CELF2: variants seen among roughly 807,000 people sequenced by gnomAD.
CELF2 encodes the protein CUG triplet repeat RNA-binding protein 2.
CELF2 carries 8 observed loss-of-function variants against 62.6 expected under a neutral mutation model. The observed-to-expected ratio is 0.13, with a 90% confidence interval of 0.07 to 0.23. The LOEUF (loss-of-function observed/expected upper bound fraction) is 0.23, where lower values mean the gene tolerates loss of function less well. Among genes scored for constraint, CELF2 ranks in the 10% least tolerant of loss-of-function variants. The pLI is 1.00. For synonymous variants in CELF2, 258 were observed against 250.0 expected, an observed-to-expected ratio of 1.03 and a Z score of -0.30; for missense variants, 333 against 671.0, an observed-to-expected ratio of 0.50 and a Z score of 5.56.
At chr10:10,980,577 A>G (rs1018527535) in intron 2 of CELF2, among the ~76,000 whole-genome samples, 3 of 152,124 alleles carry the variant, frequency 2.0e-5, no homozygotes, top group Non-Finnish European at 4.4e-5. Flanking sequence ...ACCTTGCATC[A>G]ACCTAATGGA....
At chr10:10,663,217 G>A in the CELF2 span, among the ~76,000 whole-genome samples, 1 of 152,148 alleles carries the variant, frequency 6.6e-6, no homozygotes, top group African/African-American at 2.4e-5. Context: ...ACTTGCCCAA[G>A]AACAACCATG....
the CELF2 span, among the ~76,000 whole-genome samples, chr10:10,588,799 G>C: frequency 1.3e-5 from 2 of 152,224 alleles, no homozygotes; most frequent in Non-Finnish European, 2.9e-5. Context: ...CAGACTTGGA[G>C]CACTCCATTC....
At position 11,297,307 on chromosome 10, in the gene CELF2, C is replaced by A. The variant is rs1360180718; in HGVS notation, c.976+8755C>A. ...CCATCAGGCTGACCAGAGCCGGGAG[C>A]TGCAGAGTGGATTGAGACTGACCTG... On this transcript the variant is annotated intron_variant, in intron 9 of 12. Coordinates refer to ENST00000633077, the MANE Select transcript of CELF2 (RefSeq NM_001326342.2). The surrounding 1 kb of genome is among the most constrained non-coding windows in gnomAD (Gnocchi z 4.4). Among the ~76,000 whole-genome samples the A allele has an allele frequency of 6.6e-6, 1 of 152,184 alleles. No homozygotes were observed. The highest frequency in any genetic ancestry group is 1.5e-5 in the Non-Finnish European group (1 of 68,032).
intron 2 of CELF2, among the ~76,000 whole-genome samples, chr10:11,205,844 G>A (rs903777123): frequency 1.3e-5 from 2 of 152,128 alleles, no homozygotes; most frequent in Non-Finnish European, 2.9e-5. Flanking sequence ...AGTTATAACG[G>A]CCATAAATAT....
chr10:10,658,326 T>A, the CELF2 span, among the ~76,000 whole-genome samples: 1 of 152,198 alleles, frequency 6.6e-6, no homozygotes. Flanking sequence ...GTGCAATCAC[T>A]TCATCATTTC....
At chr10:10,848,203 T>C (rs1259352802) in intron 1 of CELF2, among the ~76,000 whole-genome samples, 3 of 152,232 alleles carry the variant, frequency 2.0e-5, no homozygotes, top group Non-Finnish European at 4.4e-5. Context: ...GCTTTTCTAG[T>C]TGATGTGTTC....
chr10:11,277,466 C>T (rs2086584988), intron 8 of CELF2, among the ~76,000 whole-genome samples: 1 of 152,216 alleles, frequency 6.6e-6, no homozygotes, highest in Non-Finnish European at 1.5e-5. Flanking sequence ...GATACTCTTC[C>T]GTGCTCCAGG....
intron 1 of CELF2, among the ~76,000 whole-genome samples, chr10:11,034,723 A>G (rs984213907): frequency 3.3e-5 from 5 of 152,166 alleles, no homozygotes; most frequent in African/African-American, 1.2e-4. Context: ...GTCAGGTTGA[A>G]TCTGGTATGA....
intron 1 of CELF2, among the ~76,000 whole-genome samples, chr10:11,082,072 G>A (rs1401320062): frequency 6.6e-6 from 1 of 152,170 alleles, no homozygotes; most frequent in Non-Finnish European, 1.5e-5. Context: ...GGCTGGGGCT[G>A]CATCCCTTGC....
At chr10:11,059,962 G>A (rs2066319523) in intron 1 of CELF2, among the ~76,000 whole-genome samples, 1 of 152,228 alleles carries the variant, frequency 6.6e-6, no homozygotes, top group Admixed American at 6.5e-5. Context: ...CGTTGAATTG[G>A]TCATAGTTCT....
intron 2 of CELF2, among the ~76,000 whole-genome samples, chr10:10,933,361 A>G (rs918905268): frequency 4.6e-5 from 7 of 152,222 alleles, no homozygotes; most frequent in African/African-American, 7.2e-5. Context: ...TGATATTTCT[A>G]TACCTGAATA....
chr10:11,095,981 G>T (rs866716834), intron 1 of CELF2, among the ~76,000 whole-genome samples: 2 of 152,234 alleles, frequency 1.3e-5, no homozygotes, highest in Non-Finnish European at 1.5e-5. Context: ...TATCATGAAA[G>T]TATGTCTGGA....
At chr10:10,839,352 T>G (rs1414445647) in intron 1 of CELF2, among the ~76,000 whole-genome samples, 1 of 152,198 alleles carries the variant, frequency 6.6e-6, no homozygotes, top group Non-Finnish European at 1.5e-5. Context: ...ACTGATGTCT[T>G]CAGCTCTATT....
chr10:11,153,227 G>C (rs566020195), intron 1 of CELF2, among the ~76,000 whole-genome samples: 2 of 152,076 alleles, frequency 1.3e-5, no homozygotes, highest in Non-Finnish European at 2.9e-5. Flanking sequence ...CTTAAATATA[G>C]ATAGATATTT....
the CELF2 span, among the ~76,000 whole-genome samples, chr10:10,696,671 A>AC: frequency 1.0e-4 from 15 of 150,564 alleles, no homozygotes; most frequent in South Asian, 3.0e-3. Flanking sequence ...TGGGTGTAGG[A>AC]CCCTCCGAGC....
chr10:10,565,993 C>T, the CELF2 span, among the ~76,000 whole-genome samples: 1 of 152,110 alleles, frequency 6.6e-6, no homozygotes, highest in Admixed American at 6.6e-5. Context: ...CCTTTTCTTG[C>T]ACTTGAGAAG....
At chr10:10,788,621 C>T in the CELF2 span, among the ~76,000 whole-genome samples, 6 of 151,850 alleles carry the variant, frequency 4.0e-5, no homozygotes, top group African/African-American at 1.5e-4. Context: ...TGCCACCAGG[C>T]ATGGCTAATC....
the CELF2 span, among the ~76,000 whole-genome samples, chr10:10,599,054 G>A: frequency 6.6e-6 from 1 of 151,692 alleles, no homozygotes; most frequent in Admixed American, 6.6e-5. Flanking sequence ...GCCCGGCCAG[G>A]GCTGATTTTC....
intron 1 of CELF2, among the ~76,000 whole-genome samples, chr10:10,802,633 C>T (rs931687735): frequency 6.6e-6 from 1 of 152,182 alleles, no homozygotes; most frequent in African/African-American, 2.4e-5. Context: ...TGCATAAGCC[C>T]TAAGTCACCT....
Sources: gnomAD v4.1 joint callset for allele counts (sites outside exome capture counted in the v4.1 genomes callset) on GRCh38, gnomAD v4.1.1 for gene constraint, Gnocchi (gnomAD v3.1) non-coding constraint, MANE v1.5 for transcripts, NCBI Gene and HGNC (gene_info 2026-07-23, HGNC 2026-07-21) for gene names.